The following STAMBP variants were observed in gnomAD, a reference collection of about 807,000 sequenced individuals.
STAMBP encodes STAM-binding protein.
STAMBP carries 31 observed loss-of-function variants against 50.7 expected under a neutral mutation model. The observed-to-expected ratio is 0.61, with a 90% CI of 0.46 to 0.83. The LOEUF (loss-of-function observed/expected upper bound fraction) is 0.83, where lower values mean the gene tolerates loss of function less well. STAMBP is among the 40% of genes least tolerant of loss of function. STAMBP has a pLI of 0.00. For missense variants in STAMBP, 472 were observed against 518.9 expected, an observed-to-expected ratio of 0.91 and a Z score of 0.88; for synonymous variants, 211 against 192.4, an observed-to-expected ratio of 1.10 and a Z score of -0.80.
At chr2:73,871,571 T>C (rs1263477016), downstream of STAMBP, among the ~76,000 whole-genome samples, 1 of 151,934 alleles carries the variant, frequency 6.6e-6, no homozygotes, top group Non-Finnish European at 1.5e-5. Context: ...AAAATTCTTT[T>C]AATTGCACTG....
intron 2 of STAMBP, 121 bp from the exon 3 acceptor site, chr2:73,844,692 C>T: frequency 1.4e-6 from 1 of 727,228 alleles, no homozygotes; most frequent in Non-Finnish European, 2.2e-6. Flanking sequence ...ATTAGCTCTC[C>T]CTCCGCTGCA....
rs775349922 is a variant in STAMBP at position 73,862,298 on chromosome 2, T to C, written c.*39T>C. 6.3e-7 allele frequency: 1 copy of C among 1,587,358 alleles called. No individual in the cohort carries two copies. The highest frequency in any genetic ancestry group is 1.1e-5 in the South Asian group (1 of 87,650). On this transcript the variant is annotated 3_prime_UTR_variant, in exon 10 of 10. Transcript: ENST00000394070. Reference sequence around the variant, plus strand: ...ACACCTTCCAAGAACAACAAAACCATATCAGTGTACTGTAGCCCCTTAATT... The same window carrying C: ...ACACCTTCCAAGAACAACAAAACCACATCAGTGTACTGTAGCCCCTTAATT...
At chr2:73,852,917 G>GGTGTGTGT (rs56684009) in intron 7 of STAMBP, among the ~76,000 whole-genome samples, 13,697 of 122,706 alleles carry the variant, frequency 0.11, 1,013 homozygotes, top group East Asian at 0.21. Flanking sequence ...ATGTTGGCCA[G>GGTGTGTGT]GTGTGTGTGT....
At chr2:73,844,792 C>T (rs757872805) in intron 2 of STAMBP, 21 bp from the exon 3 acceptor site, 43 of 1,600,348 alleles carry the variant, frequency 2.7e-5, no homozygotes, top group Non-Finnish European at 2.2e-5. Context: ...GCTTCATAAT[C>T]ATTTTGAACT....
chr2:73,846,210 A>C (rs758245320), intron 4 of STAMBP, among the ~76,000 whole-genome samples: 4 of 151,886 alleles, frequency 2.6e-5, no homozygotes, highest in Admixed American at 2.6e-4. Context: ...TTTTAATCCA[A>C]ATGCCTCTCA....
rs963751020 is a variant in STAMBP at position 73,844,999 on chromosome 2, G to A, written c.279+111G>A. The A allele has an allele frequency of 3.3e-6, 5 of 1,524,430 alleles. No individual in the cohort carries two copies. In the African/African-American group the frequency reaches 5.6e-5, roughly 17 times the overall value. 94.4% of individuals were successfully genotyped at this position (1,524,430 alleles called of 1,614,324 possible). ...CTGAGTACCAGATCCTGCAATAGGA[G>A]ATAAGGCCATTTCACCACAACAGTT... On this transcript the variant is annotated intron_variant, in intron 3 of 9. Coordinates refer to ENST00000394070, the MANE Select transcript of STAMBP (RefSeq NM_213622.4).
Position 73,858,999 on chromosome 2 carries a change from C to T in STAMBP, c.1006-255C>T, listed in dbSNP as rs1360126924. Among the ~76,000 whole-genome samples, 4 of 151,758 alleles carry T rather than the reference C, an allele frequency of 2.6e-5. No individual in the cohort carries two copies. The East Asian group carries it at 5.8e-4, about 22-fold the overall frequency. The stretch of plus-strand genomic sequence containing the variant: ...TTTTTTTCCTATACATGCATACTTG[C>T]GATAAAGTTTAATTTATAAATTAGG... On this transcript the variant is annotated intron_variant, in intron 7 of 9. Transcript: ENST00000394070.
chr2:73,831,858 A>G (rs952549608), intron 2 of STAMBP, among the ~76,000 whole-genome samples: 1 of 152,062 alleles, frequency 6.6e-6, no homozygotes, highest in Non-Finnish European at 1.5e-5. Flanking sequence ...TACATTCTAC[A>G]TATGAGGAAA....
At chr2:73,846,234 A>G (rs1348809217) in intron 4 of STAMBP, among the ~76,000 whole-genome samples, 1 of 151,344 alleles carries the variant, frequency 6.6e-6, no homozygotes, top group Non-Finnish European at 1.5e-5. Context: ...ATTTCTTATT[A>G]GCTTAAAATG....
chr2:73,846,218 T>C (rs1459466757), intron 4 of STAMBP, among the ~76,000 whole-genome samples: 2 of 152,024 alleles, frequency 1.3e-5, no homozygotes. Context: ...CAAATGCCTC[T>C]CAAGTATTTC....
Position 73,862,215 on chromosome 2 carries a change from G to A in STAMBP, c.1231G>A (p.Val411Met), listed in dbSNP as rs538751950. The part of the protein sequence containing the change: ...DPPLFCSCSH[V>M]TVVDRAVTIT... The stretch of plus-strand genomic sequence containing the variant: ...TTTCCTATTGCAGAGCTGCAGCCAC[G>A]TGACTGTTGTGGACAGAGCAGTGAC... Residue 411 changes from valine to methionine, a missense_variant, in exon 10 of 10, where the codon GTG (valine) becomes ATG (methionine). By Grantham distance (21) the Val-to-Met change is conservative. Coordinates refer to ENST00000394070, the MANE Select transcript of STAMBP (RefSeq NM_213622.4). 35 of 1,606,816 alleles carry A rather than the reference G, an allele frequency of 2.2e-5. No individual in the cohort carries two copies. The highest frequency in any genetic ancestry group is 1.3e-4 in the East Asian group (6 of 44,778).
chr2:73,843,979 G>A (rs1462163134), intron 2 of STAMBP, among the ~76,000 whole-genome samples: 2 of 152,198 alleles, frequency 1.3e-5, no homozygotes, highest in African/African-American at 4.8e-5. Flanking sequence ...GAAGAAGTAT[G>A]GTGTAGTGGT....
rs1478626163 is a variant in STAMBP at position 73,829,053 on chromosome 2, T to A, written c.-470T>A. 6.6e-6 allele frequency: 1 copy of A among 152,244 alleles called. No homozygotes were observed. Among genetic ancestry groups the A allele is most frequent in the Non-Finnish European group, 1.5e-5 (1 of 68,108 alleles). The allele number at this position is 152,244 out of a possible 1,614,324, so 9.4% of individuals were successfully genotyped here. On this transcript the variant is annotated 5_prime_UTR_variant, in exon 1 of 10. Coordinates refer to ENST00000394070, the MANE Select transcript of STAMBP (RefSeq NM_213622.4). The stretch of plus-strand genomic sequence containing the variant: ...AGGGCCTCCGAGCGTGGTTGGACTT[T>A]GAAGGGGATCGGCCGCCGTGAGTGT...
At chr2:73,831,097 C>T (rs1348756788) in intron 2 of STAMBP, 38 bp downstream of exon 2, 1 of 1,552,840 alleles carries the variant, frequency 6.4e-7, no homozygotes, top group Non-Finnish European at 8.9e-7. Context: ...TTTCTGGTGA[C>T]TGGTGCCTCG....
rs1036419992 is a variant in STAMBP at position 73,856,397 on chromosome 2, G to A, written c.1006-2857G>A. 2.0e-5 allele frequency among the ~76,000 whole-genome samples: 3 copies of A among 152,238 alleles called. No individual in the cohort carries two copies. The South Asian group carries it at 6.2e-4, about 32-fold the overall frequency. On this transcript the variant is annotated intron_variant, in intron 7 of 9. Transcript: ENST00000394070. ...TGACTTCCACCATGTTGAAATATTGGGTATGTACCATCTGTTCCAGAATGG... is the reference window on the plus strand; with the variant it reads ...TGACTTCCACCATGTTGAAATATTGAGTATGTACCATCTGTTCCAGAATGG...
chr2:73,868,470 GATATA>G (rs991885360), downstream of STAMBP, among the ~76,000 whole-genome samples: 16 of 151,882 alleles, frequency 1.1e-4, no homozygotes, highest in Non-Finnish European at 1.9e-4. Flanking sequence ...GAAATCCACT[GATATA>G]ATATATCACA....
At chr2:73,845,078 G>T in intron 3 of STAMBP, 89 bp from the exon 4 acceptor site, 1 of 1,576,886 alleles carries the variant, frequency 6.3e-7, no homozygotes, top group South Asian at 1.1e-5. Context: ...TTTGGGAAAT[G>T]TTGCAGTCAC....
At chr2:73,837,706 C>CT (rs1674902001) in intron 2 of STAMBP, among the ~76,000 whole-genome samples, 1 of 149,010 alleles carries the variant, frequency 6.7e-6, no homozygotes, top group Admixed American at 6.7e-5. Flanking sequence ...ATCCTTTGTA[C>CT]TTTAAGTTAT....
chr2:73,839,655 G>A lies in STAMBP; in HGVS notation c.204-5158G>A, dbSNP rs887362252. ...TCATACAAAATTAACACTTATTCAC[G>A]ATTTAAAAAATTTTTCAAACACTAC... On this transcript the variant is annotated intron_variant, in intron 2 of 9. Coordinates refer to ENST00000394070, the MANE Select transcript of STAMBP (RefSeq NM_213622.4). 7.9e-5 allele frequency among the ~76,000 whole-genome samples: 12 copies of A among 152,174 alleles called. 1 individual carries two copies. The highest frequency in any genetic ancestry group is 3.4e-3 in the Middle Eastern group (1 of 294).
Sources: gnomAD v4.1 joint callset for allele counts (sites outside exome capture counted in the v4.1 genomes callset) on GRCh38, gnomAD v4.1.1 for gene constraint, MANE v1.5 for transcripts, NCBI Gene and HGNC (gene_info 2026-07-23, HGNC 2026-07-21) for gene names.